Variants in CCDC158 observed in about 807,000 individuals in gnomAD.
The protein encoded by CCDC158 is coiled-coil domain-containing protein 158.
CCDC158 carries 116 observed loss-of-function variants against 138.6 expected under a neutral mutation model. That is an observed-to-expected ratio of 0.84 (90% CI 0.72 to 0.98). CCDC158 has a LOEUF of 0.98. Ranked by LOEUF, CCDC158 falls within the 50% of genes least tolerant of loss-of-function variation. The pLI, the probability that CCDC158 is intolerant of heterozygous loss-of-function variation, is 0.00. For missense variants in CCDC158, 1,265 were observed against 1,306.1 expected, an observed-to-expected ratio of 0.97 and a Z score of 0.48; for synonymous variants, 436 against 442.4, an observed-to-expected ratio of 0.99 and a Z score of 0.18.
intron 24 of CCDC158, among the ~76,000 whole-genome samples, chr4:76,315,770 C>T (rs13115616): frequency 0.13 from 20,449 of 152,138 alleles, 1,528 homozygotes; most frequent in East Asian, 0.21. Context: ...GGCTGGGAGA[C>T]GTGAAGATGA....
At chr4:76,337,242 G>A (rs1045126188) in intron 18 of CCDC158, among the ~76,000 whole-genome samples, 18 of 151,890 alleles carry the variant, frequency 1.2e-4, no homozygotes, top group African/African-American at 3.1e-4. Context: ...TGCCCGCCTC[G>A]GCCTCCCAAA....
At chr4:76,387,507 T>G (rs1726912672) in intron 4 of CCDC158, among the ~76,000 whole-genome samples, 1 of 151,800 alleles carries the variant, frequency 6.6e-6, no homozygotes, top group South Asian at 2.1e-4. Context: ...ACCAACATGG[T>G]GAAACCCTGT....
At chr4:76,368,897 A>G (rs904017586) in intron 11 of CCDC158, among the ~76,000 whole-genome samples, 8 of 152,218 alleles carry the variant, frequency 5.3e-5, no homozygotes, top group Admixed American at 6.5e-5. Context: ...AGTGAGATAA[A>G]GCTTGACACA....
chr4:76,313,423 A>G (rs1468641669), intron 24 of CCDC158, among the ~76,000 whole-genome samples, 177 bp from the exon 25 acceptor site: 1 of 152,176 alleles, frequency 6.6e-6, no homozygotes, highest in African/African-American at 2.4e-5. Flanking sequence ...GAAGAGAGCT[A>G]AGGGTAAATC....
Position 76,325,891 on chromosome 4 carries a change from A to G in CCDC158, c.3135T>C (p.Ser1045=), listed in dbSNP as rs1720478251. The G allele has an allele frequency of 1.9e-6, 3 of 1,612,014 alleles. No individual in the cohort carries two copies. The African/African-American group carries it at 4.0e-5, about 22-fold the overall frequency. ...GSIGSTSQYR[S]AKPIHSSDSV... The stretch of plus-strand genomic sequence containing the variant: ...AATCAGATGAATGAATAGGTTTGGC[A>G]GATCTATACTGTGATGTGGAACCTA... Residue 1045 remains serine, a synonymous_variant, in exon 23 of 25, where the codon TCT becomes TCC. Coordinates refer to ENST00000682701, the MANE Select transcript of CCDC158 (RefSeq NM_001394954.1).
At chr4:76,405,922 T>C (rs1728783624) in intron 2 of CCDC158, among the ~76,000 whole-genome samples, 1 of 151,784 alleles carries the variant, frequency 6.6e-6, no homozygotes, top group Non-Finnish European at 1.5e-5. Context: ...CTCTAGCAAA[T>C]ATAACACATT....
intron 24 of CCDC158, among the ~76,000 whole-genome samples, chr4:76,315,802 C>T (rs1051535668): frequency 1.3e-5 from 2 of 152,176 alleles, no homozygotes; most frequent in Non-Finnish European, 1.5e-5. Context: ...GCACTCTTTG[C>T]AGAAATTTCC....
At chr4:76,362,444 C>G (rs1187024623) in intron 12 of CCDC158, 129 bp from the exon 13 acceptor site, 1 of 566,252 alleles carries the variant, frequency 1.8e-6, no homozygotes, top group Non-Finnish European at 3.0e-6. Context: ...TTTCTGCCTC[C>G]TATCTGTATT....
chr4:76,318,079 C>A (rs1167868611), intron 24 of CCDC158, among the ~76,000 whole-genome samples: 1 of 152,050 alleles, frequency 6.6e-6, no homozygotes, highest in African/African-American at 2.4e-5. Context: ...AATAGACACT[C>A]TAAGGTCACA....
At chr4:76,329,958 C>G (rs987446482) in intron 21 of CCDC158, among the ~76,000 whole-genome samples, 2 of 152,118 alleles carry the variant, frequency 1.3e-5, no homozygotes, top group Non-Finnish European at 2.9e-5. Context: ...AACATGTTTT[C>G]TCAATGACGT....
intron 8 of CCDC158, among the ~76,000 whole-genome samples, chr4:76,380,741 C>T (rs1726158555): frequency 6.6e-6 from 1 of 152,184 alleles, no homozygotes. Context: ...GGGAAAATGT[C>T]TCCGGGGCAT....
At chr4:76,414,907 G>A (rs1470683492) in intron 1 of CCDC158, among the ~76,000 whole-genome samples, 1 of 152,260 alleles carries the variant, frequency 6.6e-6, no homozygotes. Flanking sequence ...CCAGTAGTGT[G>A]GGGCATTGCT....
intron 4 of CCDC158, among the ~76,000 whole-genome samples, chr4:76,387,072 C>T (rs1726865134): frequency 6.6e-6 from 1 of 152,154 alleles, no homozygotes; most frequent in Non-Finnish European, 1.5e-5. Context: ...TGGCATGTGA[C>T]CTAAGGAGAC....
intron 22 of CCDC158, among the ~76,000 whole-genome samples, 162 bp from the exon 23 acceptor site, chr4:76,326,177 G>A (rs192165050): frequency 6.6e-6 from 1 of 152,154 alleles, no homozygotes; most frequent in Non-Finnish European, 1.5e-5. Flanking sequence ...ACTGAAAAGG[G>A]TTACGCCTTG....
intron 10 of CCDC158, among the ~76,000 whole-genome samples, chr4:76,370,188 G>T (rs987275959): frequency 2.0e-5 from 3 of 152,134 alleles, no homozygotes; most frequent in Admixed American, 1.3e-4. Flanking sequence ...AATGACTTAG[G>T]ATCCAAGAGA....
In CCDC158 at chr4:76,357,414, T is replaced by G; in HGVS notation, c.2133A>C (p.Thr711=). The G allele has an allele frequency of 6.3e-7, 1 of 1,595,636 alleles. No individual in the cohort carries two copies. The highest frequency in any genetic ancestry group is 1.8e-5 in the Admixed American group (1 of 56,318). ...LKSAQSELEQ[T]RNTLKSMEGS... ...CTTCCATTGACTTTAATGTATTTCT[T>G]GTCTGTTCTAGTTCAGACTGTGCAG... is the stretch of plus-strand genomic sequence containing the variant. Residue 711 remains threonine (T), a synonymous_variant, in exon 14 of 25, where the codon ACA becomes ACC. Transcript: ENST00000682701.
Position 76,323,396 on chromosome 4 carries a change from C to A in CCDC158, c.3183G>T (p.Pro1061=), listed in dbSNP as rs145943208. The change falls in exon 24 of 25, where the codon CCG becomes CCT. Residue 1061 remains proline (P), a synonymous_variant. Coordinates refer to ENST00000682701, the MANE Select transcript of CCDC158 (RefSeq NM_001394954.1). ...SSDSVKDSQS[P]PIETTGKTCR... ...ATGTTTTTCCTGTTGTTTCTATTGG[C>A]GGAGACTGTGAATCTATTAGAAAAT... 1 of 1,609,694 alleles carries A rather than the reference C, an allele frequency of 6.2e-7. No homozygotes were observed. Among genetic ancestry groups the A allele is most frequent in the South Asian group, 1.1e-5 (1 of 89,978 alleles).
At chr4:76,337,469 TG>T (rs1277741395) in intron 18 of CCDC158, among the ~76,000 whole-genome samples, 1 of 152,146 alleles carries the variant, frequency 6.6e-6, no homozygotes, top group Non-Finnish European at 1.5e-5. Flanking sequence ...TGGTGGCTCA[TG>T]CCTGTAGTCC....
intron 7 of CCDC158, among the ~76,000 whole-genome samples, chr4:76,382,994 T>C (rs1726422288): frequency 6.6e-6 from 1 of 152,150 alleles, no homozygotes; most frequent in Non-Finnish European, 1.5e-5. Context: ...CCCAATGAGA[T>C]CTAGGGAAGT....
Sources: gnomAD v4.1 joint callset for allele counts (sites outside exome capture counted in the v4.1 genomes callset) on GRCh38, gnomAD v4.1.1 for gene constraint, MANE v1.5 for transcripts, NCBI Gene and HGNC (gene_info 2026-07-23, HGNC 2026-07-21) for gene names.